PABPC4L: variants seen among roughly 807,000 people sequenced by gnomAD.
PABPC4L encodes the protein poly(A) binding protein cytoplasmic 4 like.
For synonymous variants in PABPC4L, 169 were observed against 164.1 expected (o/e 1.03, Z -0.23); for missense variants, 452 against 451.4 (o/e 1.00, Z -0.01).
the PABPC4L span, among the ~76,000 whole-genome samples, chr4:134,155,474 C>T: frequency 0.47 from 68,548 of 145,946 alleles, 18,005 homozygotes; most frequent in East Asian, 0.98. Flanking sequence ...TACACACAGT[C>T]TGAATGTAAA....
the PABPC4L span, among the ~76,000 whole-genome samples, chr4:133,981,527 A>T: frequency 7.5e-3 from 1,144 of 151,526 alleles, 5 homozygotes; most frequent in Non-Finnish European, 0.012. Context: ...ATTTAGCAGA[A>T]TCAGCACTTT....
chr4:134,195,354 T>C (rs1371865405), downstream of PABPC4L, among the ~76,000 whole-genome samples: 1 of 151,716 alleles, frequency 6.6e-6, no homozygotes, highest in Non-Finnish European at 1.5e-5. Flanking sequence ...ACAATACCAT[T>C]AGACATGGCT....
chr4:134,171,557 C>T, the PABPC4L span, among the ~76,000 whole-genome samples: 1 of 151,990 alleles, frequency 6.6e-6, no homozygotes, highest in African/African-American at 2.4e-5. Context: ...AACCAACAGC[C>T]AACATCATAC....
the PABPC4L span, among the ~76,000 whole-genome samples, chr4:134,089,367 T>C: frequency 6.6e-6 from 1 of 152,128 alleles, no homozygotes; most frequent in Non-Finnish European, 1.5e-5. Flanking sequence ...GAGTGCTATA[T>C]GCGTTGCAAT....
the PABPC4L span, among the ~76,000 whole-genome samples, chr4:133,988,346 C>G: frequency 3.3e-5 from 5 of 152,126 alleles, no homozygotes; most frequent in Admixed American, 6.6e-5. Flanking sequence ...GCCAGTAAAA[C>G]TGAAAGCAAA....
At chr4:133,968,962 C>T in the PABPC4L span, among the ~76,000 whole-genome samples, 27 of 152,148 alleles carry the variant, frequency 1.8e-4, no homozygotes, top group African/African-American at 6.5e-4. Context: ...TCAAACTAGA[C>T]ACCCAACCTG....
the PABPC4L span, among the ~76,000 whole-genome samples, chr4:134,154,273 C>T: frequency 9.2e-5 from 14 of 151,736 alleles, no homozygotes; most frequent in Non-Finnish European, 1.3e-4. Context: ...CTGGGCAACA[C>T]GCCAAAGCCT....
the PABPC4L span, among the ~76,000 whole-genome samples, chr4:134,133,043 A>G: frequency 2.9e-5 from 4 of 139,244 alleles, no homozygotes; most frequent in East Asian, 8.3e-4. Flanking sequence ...TATTTCATAC[A>G]TTATATATAT....
At chr4:134,099,574 T>G in the PABPC4L span, among the ~76,000 whole-genome samples, 1 of 151,734 alleles carries the variant, frequency 6.6e-6, no homozygotes, top group African/African-American at 2.4e-5. Flanking sequence ...CTGTAATGCT[T>G]ATTTTGAAAG....
At chr4:134,098,849 G>T in the PABPC4L span, among the ~76,000 whole-genome samples, 1 of 151,674 alleles carries the variant, frequency 6.6e-6, no homozygotes, top group African/African-American at 2.4e-5. Context: ...GCCAAGTGAA[G>T]ATTTTGTTTC....
chr4:133,955,869 A>C, the PABPC4L span, among the ~76,000 whole-genome samples: 1 of 152,162 alleles, frequency 6.6e-6, no homozygotes, highest in African/African-American at 2.4e-5. Context: ...TTTTATTCTG[A>C]AGAGTCTTAC....
the PABPC4L span, among the ~76,000 whole-genome samples, chr4:134,014,141 G>A: frequency 6.6e-6 from 1 of 152,006 alleles, no homozygotes; most frequent in Admixed American, 6.6e-5. Context: ...ACCCTAAAAG[G>A]TCAAAAGGCC....
the PABPC4L span, among the ~76,000 whole-genome samples, chr4:134,043,319 T>C: frequency 2.6e-5 from 4 of 152,182 alleles, no homozygotes; most frequent in African/African-American, 9.6e-5. Flanking sequence ...ACTGTAGTTT[T>C]ATCTGTCACT....
At chr4:134,193,847 T>C (rs1335070444), downstream of PABPC4L, among the ~76,000 whole-genome samples, 2 of 151,916 alleles carry the variant, frequency 1.3e-5, no homozygotes. Context: ...ATAAAATAAA[T>C]TTTAGAGAAT....
At chr4:133,983,151 A>G in the PABPC4L span, among the ~76,000 whole-genome samples, 1 of 151,976 alleles carries the variant, frequency 6.6e-6, no homozygotes, top group Non-Finnish European at 1.5e-5. Context: ...TGCTGAAGTA[A>G]ATGAGGAGGT....
chr4:134,047,937 G>A, the PABPC4L span, among the ~76,000 whole-genome samples: 2 of 151,860 alleles, frequency 1.3e-5, no homozygotes, highest in Non-Finnish European at 1.5e-5. Context: ...CTGCAAAATT[G>A]TTACATTAAT....
At chr4:134,144,010 A>T in the PABPC4L span, among the ~76,000 whole-genome samples, 7 of 151,628 alleles carry the variant, frequency 4.6e-5, no homozygotes, top group Non-Finnish European at 1.0e-4. Context: ...TTTTGAAAAG[A>T]TCATATGCCT....
the PABPC4L span, among the ~76,000 whole-genome samples, chr4:134,055,695 A>T: frequency 3.3e-5 from 5 of 150,368 alleles, no homozygotes. Context: ...TTGAGTTTCA[A>T]GAGTTTTTTA....
chr4:134,119,148 A>T, the PABPC4L span, among the ~76,000 whole-genome samples: 1 of 151,716 alleles, frequency 6.6e-6, no homozygotes, highest in Non-Finnish European at 1.5e-5. Context: ...TCGCATAACC[A>T]CATGCAAGAT....
Sources: allele counts gnomAD v4.1 joint callset (sites outside exome capture counted in the v4.1 genomes callset), GRCh38; gene constraint gnomAD v4.1.1; transcripts MANE v1.5; gene names NCBI Gene and HGNC (gene_info 2026-07-23, HGNC 2026-07-21).